Variants in RSAD2 observed in about 807,000 individuals in gnomAD.
The protein encoded by RSAD2 is radical S-adenosyl methionine domain containing 2.
RSAD2 carries 38 observed loss-of-function variants against 37.7 expected under a neutral mutation model. The ratio of observed to expected loss-of-function variants is 1.01; its 90% CI spans 0.78 to 1.32. RSAD2 has a LOEUF of 1.32. Among genes scored for constraint, RSAD2 ranks in the 40% most tolerant of loss-of-function variants. The probability of loss-of-function intolerance (pLI) is 0.00; values close to 1 mark genes in which losing one functional copy is unlikely to be tolerated. For synonymous variants in RSAD2, 163 were observed against 157.4 expected, an observed-to-expected ratio of 1.04 and a Z score of -0.27; for missense variants, 428 against 437.5, an observed-to-expected ratio of 0.98 and a Z score of 0.19.
chr2:6,883,366 C>A lies in RSAD2; in HGVS notation c.347-5C>A, dbSNP rs201860069. On this transcript the variant is annotated splice_polypyrimidine_tract_variant and splice_region_variant and intron_variant, in intron 1 of 5. Transcript: ENST00000382040. ...GTGGTAAAATTCATGTATCACCTTG[C>A]ACAGGTATGGAGAAGATCAACTTTT... 257 of 1,613,714 alleles carry A rather than the reference C, an allele frequency of 1.6e-4. No homozygotes were observed. The highest frequency in any genetic ancestry group is 2.0e-4 in the Non-Finnish European group (237 of 1,179,782).
upstream of RSAD2, among the ~76,000 whole-genome samples, chr2:6,876,494 A>G (rs1336393037): frequency 6.6e-6 from 1 of 152,190 alleles, no homozygotes; most frequent in Non-Finnish European, 1.5e-5. Context: ...TCATGATCAC[A>G]TGTTTATGAA....
chr2:6,886,514 G>A (rs930675729), intron 2 of RSAD2, among the ~76,000 whole-genome samples: 1 of 152,082 alleles, frequency 6.6e-6, no homozygotes, highest in African/African-American at 2.4e-5. Flanking sequence ...AAAATACTAG[G>A]GATCTTCAAC....
intron 2 of RSAD2, among the ~76,000 whole-genome samples, chr2:6,884,898 AT>A (rs1663485441): frequency 6.6e-6 from 1 of 152,206 alleles, no homozygotes. Flanking sequence ...AATTAGAAAT[AT>A]TTTTAGGCAT....
intron 1 of RSAD2, among the ~76,000 whole-genome samples, chr2:6,881,951 C>T (rs776448955): frequency 6.0e-5 from 9 of 149,602 alleles, no homozygotes; most frequent in East Asian, 2.0e-4. Context: ...GGGTGTGTAA[C>T]GCATAGACCC....
At chr2:6,886,882 C>T in intron 2 of RSAD2, 53 bp from the exon 3 acceptor site, 1 of 1,373,376 alleles carries the variant, frequency 7.3e-7, no homozygotes, top group Non-Finnish European at 1.0e-6. Context: ...CTAAATAGCC[C>T]AAGGGGCTTG....
rs1663534740 is a variant in RSAD2, at chr2:6,887,002, C to T, written c.576C>T (p.Gly192=). The change falls in exon 3 of 6, where the codon GGC becomes GGT. Residue 192 remains glycine (G), a synonymous_variant. Transcript: ENST00000382040. ...SFDEEVNVLI[G]RGQGKKNHVE... is the part of the protein sequence containing the mutation. Reference sequence around the variant, plus strand: ...ACGAGGAAGTCAATGTCCTTATTGGCCGTGGCCAAGGAAAGAAGAACCATG... The same window carrying T: ...ACGAGGAAGTCAATGTCCTTATTGGTCGTGGCCAAGGAAAGAAGAACCATG... 3.7e-6 allele frequency: 6 copies of T among 1,614,020 alleles called. No homozygotes were observed. In the South Asian group the frequency reaches 5.5e-5, roughly 15 times the overall value.
At chr2:6,883,281 T>C (rs1663449922) in intron 1 of RSAD2, 90 bp from the exon 2 acceptor site, 1 of 1,386,146 alleles carries the variant, frequency 7.2e-7, no homozygotes, top group Non-Finnish European at 9.9e-7. Context: ...GTTTTATTTC[T>C]TTTTTTTACA....
upstream of RSAD2, among the ~76,000 whole-genome samples, chr2:6,876,442 C>G (rs1437859628): frequency 6.6e-6 from 1 of 152,122 alleles, no homozygotes; most frequent in African/African-American, 2.4e-5. Flanking sequence ...CAAGTTAACC[C>G]AAAAGAATTT....
At chr2:6,877,510 C>T (rs1390905793), upstream of RSAD2, among the ~76,000 whole-genome samples, 2 of 152,188 alleles carry the variant, frequency 1.3e-5, no homozygotes, top group African/African-American at 4.8e-5. Flanking sequence ...CTGCTATCCT[C>T]ATGTGTAACT....
At chr2:6,887,229 A>G (rs1663541532) in intron 3 of RSAD2, 65 bp downstream of exon 3, 3 of 1,235,810 alleles carry the variant, frequency 2.4e-6, no homozygotes, top group African/African-American at 1.5e-5. Flanking sequence ...ACTTTTTTCA[A>G]TGAAACTGAA....
At chr2:6,875,031 C>A (rs1240814047), upstream of RSAD2, among the ~76,000 whole-genome samples, 2 of 152,154 alleles carry the variant, frequency 1.3e-5, no homozygotes, top group Non-Finnish European at 2.9e-5. Flanking sequence ...GCCCAAGAAC[C>A]TTAAGACCCT....
chr2:6,868,019 G>A (rs1317630457), intron 1 of RSAD2, among the ~76,000 whole-genome samples: 1 of 152,192 alleles, frequency 6.6e-6, no homozygotes, highest in Non-Finnish European at 1.5e-5. Flanking sequence ...GACTAAACAT[G>A]CCTGTAGCCA....
At chr2:6,880,142 ATAGTGTAGGTTG>A (rs1663370009) in intron 1 of RSAD2, among the ~76,000 whole-genome samples, 1 of 152,198 alleles carries the variant, frequency 6.6e-6, no homozygotes, top group Non-Finnish European at 1.5e-5. Flanking sequence ...TGCTTACATG[ATAGTGTAGGTTG>A]TATTTTCCTG....
At chr2:6,873,671 G>A (rs1663235683), upstream of RSAD2, among the ~76,000 whole-genome samples, 1 of 152,178 alleles carries the variant, frequency 6.6e-6, no homozygotes, top group South Asian at 2.1e-4. Flanking sequence ...TGCTTATTTA[G>A]GAGTGACATA....
intron 5 of RSAD2, among the ~76,000 whole-genome samples, chr2:6,894,842 G>A (rs1200913513): frequency 6.6e-6 from 1 of 152,234 alleles, no homozygotes; most frequent in Non-Finnish European, 1.5e-5. Context: ...GGGAAAAGGT[G>A]ATAAGGAAAA....
chr2:6,878,122 G>A lies in RSAD2; in HGVS notation c.322G>A (p.Gly108Arg). ...FVLPLEEAKR[G>R]LLLLKEAGME... ...GCTGCCCCTTGAGGAAGCAAAGAGA[G>A]GATTGCTTTTGCTTAAGGAAGCTGG... is the stretch of plus-strand genomic sequence containing the variant. The change falls in exon 1 of 6, where the codon GGA becomes AGA. Residue 108 changes from glycine (G) to arginine (R), a missense_variant. Physicochemically the swap from Gly to Arg is moderately radical, Grantham distance 125. Transcript: ENST00000382040. The A allele has an allele frequency of 1.2e-6, 2 of 1,614,020 alleles. No homozygotes were observed. Among genetic ancestry groups the A allele is most frequent in the South Asian group, 1.1e-5 (1 of 91,032 alleles).
At chr2:6,891,660 G>C (rs200249785) in intron 4 of RSAD2, among the ~76,000 whole-genome samples, 3 of 152,112 alleles carry the variant, frequency 2.0e-5, no homozygotes, top group Non-Finnish European at 4.4e-5. Context: ...CCAGCTACTC[G>C]AGAGGCTGAG....
At chr2:6,891,796 C>CA (rs146089970) in intron 4 of RSAD2, among the ~76,000 whole-genome samples, 5,230 of 149,408 alleles carry the variant, frequency 0.035, 295 homozygotes, top group African/African-American at 0.12. Flanking sequence ...AGAATAATAC[C>CA]AAAAAAAAAT....
chr2:6,876,396 G>A (rs1268707033), upstream of RSAD2, among the ~76,000 whole-genome samples: 1 of 152,138 alleles, frequency 6.6e-6, no homozygotes, highest in African/African-American at 2.4e-5. Flanking sequence ...CCTAACCTTT[G>A]AGACTTCAAA....
Sources: allele counts gnomAD v4.1 joint callset (sites outside exome capture counted in the v4.1 genomes callset), GRCh38; gene constraint gnomAD v4.1.1; transcripts MANE v1.5; gene names NCBI Gene and HGNC (gene_info 2026-07-23, HGNC 2026-07-21).